Variants in MCTP2 observed in about 807,000 individuals in gnomAD.
MCTP2 encodes multiple C2 and transmembrane domain-containing protein 2.
Under a neutral mutation model 111.6 loss-of-function variants are expected in MCTP2, and 132 were observed. The ratio of observed to expected loss-of-function variants is 1.18; its 90% confidence interval spans 1.03 to 1.37. The LOEUF is 1.37. Ranked by LOEUF, MCTP2 falls within the 40% of genes most tolerant of loss-of-function variation. MCTP2 has a pLI of 0.00. For missense variants in MCTP2, 1,183 were observed against 1,067.9 expected, an observed-to-expected ratio of 1.11 and a Z score of -1.50; for synonymous variants, 395 against 387.7, an observed-to-expected ratio of 1.02 and a Z score of -0.22.
chr15:94,457,368 G>T (rs1368750917), intron 19 of MCTP2, among the ~76,000 whole-genome samples: 2 of 152,210 alleles, frequency 1.3e-5, no homozygotes, highest in African/African-American at 4.8e-5. Flanking sequence ...AAAAACACAT[G>T]TAAGGTTTTC....
In MCTP2 at chr15:94,383,364, T is replaced by C. The variant is rs555069178; in HGVS notation, c.1583-658T>C. Among the ~76,000 whole-genome samples the C allele has an allele frequency of 4.6e-5, 7 of 152,330 alleles. No homozygotes were observed. In the South Asian group the frequency reaches 1.0e-3, roughly 23 times the overall value. On this transcript the variant is annotated intron_variant, in intron 12 of 22. Transcript: ENST00000357742. ...GAACTTCATTTTAAAAACAAAGAAATGGGCTCTCATGCCAAATGGATTCCC... is the reference window on the plus strand; with the variant it reads ...GAACTTCATTTTAAAAACAAAGAAACGGGCTCTCATGCCAAATGGATTCCC...
rs1489424065 is a variant in MCTP2 at position 94,479,538 on chromosome 15, A to G, written c.*504A>G. ...ATCCTCTGTCCAAATATTGTATATTATTAAAAGGCATTTTTAATAATTACC... is the reference window on the plus strand; with the variant it reads ...ATCCTCTGTCCAAATATTGTATATTGTTAAAAGGCATTTTTAATAATTACC... On this transcript the variant is annotated 3_prime_UTR_variant, in exon 23 of 23. Transcript: ENST00000357742. 1 of 154,212 alleles carries G rather than the reference A, an allele frequency of 6.5e-6. No individual in the cohort carries two copies. The highest frequency in any genetic ancestry group is 1.4e-5 in the Non-Finnish European group (1 of 69,306). 9.6% of individuals were successfully genotyped at this position (154,212 alleles called of 1,614,324 possible).
chr15:94,362,767 T>C (rs2152431380), intron 10 of MCTP2, among the ~76,000 whole-genome samples: 1 of 152,320 alleles, frequency 6.6e-6, no homozygotes, highest in South Asian at 2.1e-4. Flanking sequence ...AAAGCTATCA[T>C]GGCAAGTAAA....
intron 4 of MCTP2, among the ~76,000 whole-genome samples, chr15:94,338,450 C>T: frequency 6.6e-6 from 1 of 151,398 alleles, no homozygotes; most frequent in Non-Finnish European, 1.5e-5. Flanking sequence ...GCATGTAACA[C>T]ACGCACAATA....
intron 17 of MCTP2, 53 bp from the exon 18 acceptor site, chr15:94,440,123 C>A: frequency 6.3e-7 from 1 of 1,594,938 alleles, no homozygotes; most frequent in Non-Finnish European, 8.6e-7. Flanking sequence ...AATTTGATTG[C>A]TCCCCTAGTG....
chr15:94,344,439 A>G lies in MCTP2; in HGVS notation c.970-690A>G, dbSNP rs548785417. Among the ~76,000 whole-genome samples the G allele has an allele frequency of 8.5e-5, 13 of 152,346 alleles. No homozygotes were observed. In the South Asian group the frequency reaches 2.3e-3, roughly 27 times the overall value. ...ACCAGTTAGCTTGTTAACCAGCCAC[A>G]GTAGAGCTTTGCAGTACTGAATGGT... On this transcript the variant is annotated intron_variant, in intron 7 of 22. Transcript: ENST00000357742.
At position 94,385,437 on chromosome 15, in the gene MCTP2, T is replaced by C. The variant is rs750366565; in HGVS notation, c.1700T>C (p.Ile567Thr). The C allele has an allele frequency of 1.9e-6, 3 of 1,611,776 alleles. No individual in the cohort carries two copies. In the South Asian group the frequency reaches 3.3e-5, roughly 18 times the overall value. ...TTTTGTTACAGTCCCATTAAAGATA[T>C]CCATGATGTTTTGGAAGTGACAGTG... ...NKVFTFPIKD[I>T]HDVLEVTVFD... Residue 567 changes from isoleucine to threonine, a missense_variant, in exon 14 of 23, where the codon ATC becomes ACC. By Grantham distance (89) the Ile-to-Thr change is moderately conservative. Coordinates refer to ENST00000357742, the MANE Select transcript of MCTP2 (RefSeq NM_001385001.1).
intron 20 of MCTP2, among the ~76,000 whole-genome samples, chr15:94,459,432 C>T (rs914168002): frequency 7.9e-5 from 12 of 151,888 alleles, no homozygotes; most frequent in African/African-American, 2.4e-4. Context: ...CCTCGAATGC[C>T]CATTTATTAT....
At chr15:94,478,937 G>A (rs773177790) in intron 22 of MCTP2, 29 bp from the exon 23 acceptor site, 154 of 1,609,954 alleles carry the variant, frequency 9.6e-5, no homozygotes, top group Non-Finnish European at 1.1e-4. Context: ...TTACCTAACC[G>A]CCAGCATCAC....
chr15:94,315,511 C>T lies in MCTP2; in HGVS notation c.529-18C>T. On this transcript the variant is annotated intron_variant, in intron 3 of 22. Transcript: ENST00000357742. ...GGCCCAAGACATACTGTCTTAACTG[C>T]CTTCTCCATCTGTGCAGGTACCGGG... The T allele has an allele frequency of 6.3e-7, 1 of 1,588,332 alleles. No homozygotes were observed. Among genetic ancestry groups the T allele is most frequent in the South Asian group, 1.1e-5 (1 of 90,446 alleles).
chr15:94,338,488 A>ATTTTTTTTTTTTTTTTTTTTT (rs201502636), intron 4 of MCTP2, among the ~76,000 whole-genome samples: 1 of 134,196 alleles, frequency 7.5e-6, no homozygotes, highest in African/African-American at 2.8e-5. Flanking sequence ...GTTTGCAGGC[A>ATTTTTTTTTTTTTTTTTTTTT]TTTTTTTTTT....
At chr15:94,437,071 G>A (rs10152985) in intron 17 of MCTP2, among the ~76,000 whole-genome samples, 5,306 of 147,318 alleles carry the variant, frequency 0.036, 312 homozygotes, top group African/African-American at 0.12. Context: ...AGTTGATGGA[G>A]CAAGCCACAC....
At chr15:94,392,323 G>C (rs961133491) in intron 14 of MCTP2, among the ~76,000 whole-genome samples, 36 of 151,224 alleles carry the variant, frequency 2.4e-4, no homozygotes, top group African/African-American at 8.8e-4. Context: ...AGTGAGCAGA[G>C]ATAATGCCAC....
Position 94,338,488 on chromosome 15 carries a change from A to ATTTT in MCTP2, c.638-785_638-782dup, listed in dbSNP as rs201502636. ...TAATTCATGTATTATGTTTGCAGGC[A>ATTTT]TTTTTTTTTTTTTTTTTTTTACTTC... On this transcript the variant is annotated intron_variant, in intron 4 of 22. Coordinates refer to ENST00000357742, the MANE Select transcript of MCTP2 (RefSeq NM_001385001.1). 4.2e-4 allele frequency among the ~76,000 whole-genome samples: 57 copies of ATTTT among 134,188 alleles called. 1 individual carries two copies. Among genetic ancestry groups the ATTTT allele is most frequent in the African/African-American group, 1.6e-3 (56 of 35,744 alleles). The allele number at this position is 134,188 out of a possible 152,430, so 88.0% of individuals were successfully genotyped here. A position where few individuals can be genotyped will look rare whatever the true frequency, so the allele number is the denominator to read the frequency against.
At chr15:94,437,594 C>T (rs56067923) in intron 17 of MCTP2, among the ~76,000 whole-genome samples, 21,189 of 151,888 alleles carry the variant, frequency 0.14, 1,575 homozygotes, top group East Asian at 0.26. Flanking sequence ...CAATCTCAGT[C>T]TTAATTTTTC....
At chr15:94,375,814 TA>T (rs1174723947) in intron 12 of MCTP2, among the ~76,000 whole-genome samples, 1 of 152,184 alleles carries the variant, frequency 6.6e-6, no homozygotes, top group African/African-American at 2.4e-5. Context: ...ATAGGCATGT[TA>T]GGGGACCATA....
At chr15:94,236,229 C>G (rs1482227306) in intron 1 of MCTP2, among the ~76,000 whole-genome samples, 1 of 151,902 alleles carries the variant, frequency 6.6e-6, no homozygotes, top group East Asian at 1.9e-4. Context: ...CAAGCACCTC[C>G]CCAGGCCACA....
intron 1 of MCTP2, among the ~76,000 whole-genome samples, chr15:94,253,182 A>C (rs1433250039): frequency 6.6e-6 from 1 of 152,002 alleles, no homozygotes; most frequent in Non-Finnish European, 1.5e-5. Context: ...CACTTTACAC[A>C]CTTGTTTGAG....
chr15:94,297,701 C>T (rs565792781), intron 1 of MCTP2, among the ~76,000 whole-genome samples: 10 of 152,264 alleles, frequency 6.6e-5, no homozygotes, highest in African/African-American at 1.9e-4. Flanking sequence ...CCTTTGATGT[C>T]GCACAGCAGA....
Sources: gnomAD v4.1 joint callset for allele counts (sites outside exome capture counted in the v4.1 genomes callset) on GRCh38, gnomAD v4.1.1 for gene constraint, MANE v1.5 for transcripts, NCBI Gene and HGNC (gene_info 2026-07-23, HGNC 2026-07-21) for gene names.